PIK3C2G: variants seen among roughly 807,000 people sequenced by gnomAD.
PIK3C2G encodes phosphatidylinositol 3-kinase C2 domain-containing subunit gamma.
Under a neutral mutation model 181.1 loss-of-function variants are expected in PIK3C2G, and 168 were observed. That is an observed-to-expected ratio of 0.93 (90% CI 0.82 to 1.05). The LOEUF (loss-of-function observed/expected upper bound fraction) is 1.05, where lower values mean the gene tolerates loss of function less well. Ranked by LOEUF, PIK3C2G falls within the 50% of genes least tolerant of loss-of-function variation. PIK3C2G has a pLI of 0.00. For synonymous variants in PIK3C2G, 573 were observed against 592.2 expected (o/e 0.97, Z 0.47); for missense variants, 1,869 against 1,732.8 (o/e 1.08, Z -1.40).
At chr12:18,529,386 C>T (rs1943423300) in intron 24 of PIK3C2G, among the ~76,000 whole-genome samples, 2 of 152,034 alleles carry the variant, frequency 1.3e-5, no homozygotes, top group African/African-American at 4.8e-5. Context: ...TACAGTTAAG[C>T]TCATGTAAGT....
chr12:18,684,657 T>C, the PIK3C2G span, among the ~76,000 whole-genome samples: 8 of 152,190 alleles, frequency 5.3e-5, no homozygotes, highest in African/African-American at 1.9e-4. Flanking sequence ...TTTTAATCAT[T>C]ATGCAATATG....
intron 5 of PIK3C2G, among the ~76,000 whole-genome samples, chr12:18,305,843 C>T (rs973645596): frequency 6.6e-6 from 1 of 151,838 alleles, no homozygotes; most frequent in Non-Finnish European, 1.5e-5. Context: ...TTATAAATTT[C>T]ACATACCATA....
intron 18 of PIK3C2G, among the ~76,000 whole-genome samples, chr12:18,459,788 G>A (rs1201294808): frequency 6.6e-6 from 1 of 152,164 alleles, no homozygotes; most frequent in Admixed American, 6.5e-5. Flanking sequence ...TAAGACTAGA[G>A]TCTAGCTGTG....
At chr12:18,524,376 G>C (rs565224747) in intron 24 of PIK3C2G, among the ~76,000 whole-genome samples, 1 of 152,204 alleles carries the variant, frequency 6.6e-6, no homozygotes, top group East Asian at 1.9e-4. Context: ...TCAAGTTTTA[G>C]GATATTCAGG....
At chr12:18,374,154 A>C (rs1042233163) in intron 13 of PIK3C2G, among the ~76,000 whole-genome samples, 11 of 152,178 alleles carry the variant, frequency 7.2e-5, no homozygotes, top group Non-Finnish European at 1.3e-4. Context: ...CCCAAAGCCC[A>C]AGCATGCCCA....
chr12:18,705,043 T>A, the PIK3C2G span: 4 of 1,223,534 alleles, frequency 3.3e-6, no homozygotes, highest in Non-Finnish European at 4.8e-6. Context: ...AAAATAAACC[T>A]CTATACGTGA....
chr12:18,696,978 C>T, the PIK3C2G span, among the ~76,000 whole-genome samples: 1 of 152,142 alleles, frequency 6.6e-6, no homozygotes, highest in Non-Finnish European at 1.5e-5. Flanking sequence ...AGTTTCTGTA[C>T]ATATTCTTTG....
chr12:18,362,886 C>T lies in PIK3C2G; in HGVS notation c.1748C>T (p.Thr583Met), dbSNP rs369623798. 56 of 1,493,572 alleles carry T rather than the reference C, an allele frequency of 3.7e-5. No individual in the cohort carries two copies. Among genetic ancestry groups the T allele is most frequent in the East Asian group, 2.3e-4 (9 of 39,900 alleles). 92.5% of individuals were successfully genotyped at this position (1,493,572 alleles called of 1,614,324 possible). A position where few individuals can be genotyped will look rare whatever the true frequency, so the allele number is the denominator to read the frequency against. Reference sequence around the variant, plus strand: ...TTTTTCTTGGTCAACTGGAATGAAACGTAAGTTTAATCTTTACTGTATCTG... The same window carrying T: ...TTTTTCTTGGTCAACTGGAATGAAATGTAAGTTTAATCTTTACTGTATCTG... ...LFFFLVNWNE[T>M]INFPLEIKSL... The change falls in exon 12 of 33, where the codon ACG (threonine) becomes ATG (methionine). Residue 583 changes from threonine (T) to methionine (M), a missense_variant and splice_region_variant. Transcript: ENST00000538779.
upstream of PIK3C2G, among the ~76,000 whole-genome samples, chr12:18,246,299 C>G (rs901053621): frequency 6.6e-6 from 1 of 152,090 alleles, no homozygotes; most frequent in Non-Finnish European, 1.5e-5. Context: ...CAAAACTTAA[C>G]TACATTGCAG....
At position 18,648,276 on chromosome 12, in the gene PIK3C2G, G is replaced by T. The variant is rs1429482375; in HGVS notation, c.*248G>T. Reference sequence around the variant, plus strand: ...AAATTTGATGTGTAAAATAATAAAAGACCTTTATTAAATCATTTTAATATA... The same window carrying T: ...AAATTTGATGTGTAAAATAATAAAATACCTTTATTAAATCATTTTAATATA... On this transcript the variant is annotated 3_prime_UTR_variant, in exon 33 of 33. Coordinates refer to ENST00000538779, the MANE Select transcript of PIK3C2G (RefSeq NM_001288772.2). The T allele has an allele frequency of 3.8e-6, 1 of 260,948 alleles. No homozygotes were observed. The allele number at this position is 260,948 out of a possible 1,614,324, so 16.2% of individuals were successfully genotyped here. A position where few individuals can be genotyped will look rare whatever the true frequency, so the allele number is the denominator to read the frequency against.
In PIK3C2G at chr12:18,411,511, T is replaced by G. The variant is rs531440901; in HGVS notation, c.2316-9430T>G. Among the ~76,000 whole-genome samples, 5 of 152,194 alleles carry G rather than the reference T, an allele frequency of 3.3e-5. No individual in the cohort carries two copies. In the South Asian group the frequency reaches 1.0e-3, roughly 32 times the overall value. ...CTTAAAAAAATCCTATTCACCACTT[T>G]GCTAGAAAAAAAAATTCTTGTCACA... On this transcript the variant is annotated intron_variant, in intron 16 of 32. Transcript: ENST00000538779.
At chr12:18,361,748 C>G (rs1555170448) in intron 11 of PIK3C2G, among the ~76,000 whole-genome samples, 1 of 152,132 alleles carries the variant, frequency 6.6e-6, no homozygotes, top group Non-Finnish European at 1.5e-5. Context: ...GTGATCAGAT[C>G]TTTTTGTTTT....
the PIK3C2G span, chr12:18,699,771 CTATT>C: frequency 3.1e-6 from 5 of 1,600,840 alleles, no homozygotes; most frequent in East Asian, 9.0e-5. Context: ...AACATTTCAT[CTATT>C]TGAGTCACAA....
intron 8 of PIK3C2G, among the ~76,000 whole-genome samples, chr12:18,326,209 G>T (rs1951340215): frequency 6.6e-6 from 1 of 152,112 alleles, no homozygotes; most frequent in East Asian, 1.9e-4. Flanking sequence ...TTCATTATAA[G>T]GCCACTGAAA....
intron 16 of PIK3C2G, 145 bp downstream of exon 16, chr12:18,399,992 C>T: frequency 2.2e-6 from 1 of 458,150 alleles, no homozygotes; most frequent in Non-Finnish European, 3.7e-6. Flanking sequence ...TAAATGTAAG[C>T]TATGAATATA....
At chr12:18,270,990 G>A (rs1446512588) in intron 1 of PIK3C2G, among the ~76,000 whole-genome samples, 1 of 151,610 alleles carries the variant, frequency 6.6e-6, no homozygotes. Context: ...ATTTTTTTAG[G>A]CTTCCTTTAC....
At chr12:18,678,374 A>T in the PIK3C2G span, among the ~76,000 whole-genome samples, 1 of 152,180 alleles carries the variant, frequency 6.6e-6, no homozygotes, top group Non-Finnish European at 1.5e-5. Context: ...GTTGAAGTTA[A>T]TAAAGCTTCA....
chr12:18,632,953 T>C (rs1215139246), intron 31 of PIK3C2G, among the ~76,000 whole-genome samples: 1 of 151,994 alleles, frequency 6.6e-6, no homozygotes, highest in Non-Finnish European at 1.5e-5. Context: ...TGTGAATGAG[T>C]CAAGTTGACA....
chr12:18,434,319 A>T (rs1946327968), intron 18 of PIK3C2G, among the ~76,000 whole-genome samples: 1 of 152,126 alleles, frequency 6.6e-6, no homozygotes, highest in Non-Finnish European at 1.5e-5. Flanking sequence ...TGGGGATTAA[A>T]TTTCCAGCTC....
Sources: allele counts gnomAD v4.1 joint callset (sites outside exome capture counted in the v4.1 genomes callset), GRCh38; gene constraint gnomAD v4.1.1; transcripts MANE v1.5; gene names NCBI Gene and HGNC (gene_info 2026-07-23, HGNC 2026-07-21).